NLGN1: variants seen among roughly 807,000 people sequenced by gnomAD.
NLGN1 encodes neuroligin 1.
A neutral mutation model predicts 65.5 loss-of-function variants in NLGN1; 12 were observed. That is an observed-to-expected ratio of 0.18 (90% CI 0.12 to 0.30). The LOEUF (loss-of-function observed/expected upper bound fraction) is 0.30, where lower values mean the gene tolerates loss of function less well. NLGN1 is among the 10% of genes least tolerant of loss of function. The pLI is 1.00. For missense variants in NLGN1, 750 were observed against 1,007.1 expected (o/e 0.74, Z 3.46); for synonymous variants, 350 against 359.5 (o/e 0.97, Z 0.30).
At chr3:174,068,011 G>A (rs1440955397) in intron 4 of NLGN1, among the ~76,000 whole-genome samples, 1 of 152,134 alleles carries the variant, frequency 6.6e-6, no homozygotes, top group East Asian at 1.9e-4. Context: ...AGGCTGGAGT[G>A]TTTGTTTCCC....
chr3:173,749,060 G>A (rs181822386), intron 3 of NLGN1, among the ~76,000 whole-genome samples: 2 of 152,146 alleles, frequency 1.3e-5, no homozygotes, highest in South Asian at 2.1e-4. Context: ...TTTTCTGTAT[G>A]CTTGATGCCA....
intron 4 of NLGN1, among the ~76,000 whole-genome samples, chr3:173,898,743 A>G (rs1242731838): frequency 1.3e-5 from 2 of 152,144 alleles, no homozygotes; most frequent in African/African-American, 4.8e-5. Flanking sequence ...ATTGTATGCT[A>G]CTTTGACAAG....
At chr3:174,088,756 A>AC in intron 4 of NLGN1, among the ~76,000 whole-genome samples, 1 of 136,028 alleles carries the variant, frequency 7.4e-6, no homozygotes, top group Non-Finnish European at 1.6e-5. Context: ...CCATCTCAAT[A>AC]AAAATAAATA....
At chr3:173,742,763 T>C (rs568527949) in intron 3 of NLGN1, among the ~76,000 whole-genome samples, 9 of 152,252 alleles carry the variant, frequency 5.9e-5, no homozygotes, top group African/African-American at 2.2e-4. Flanking sequence ...GGAGCAAAAG[T>C]TGTAATTTGT....
At chr3:173,852,896 T>C (rs9882978) in intron 4 of NLGN1, among the ~76,000 whole-genome samples, 2,671 of 152,320 alleles carry the variant, frequency 0.018, 56 homozygotes, top group Middle Eastern at 0.065. Flanking sequence ...GTCATGCTTT[T>C]AGCTCATCAG....
chr3:174,275,082 T>G (rs1750289435), intron 4 of NLGN1, among the ~76,000 whole-genome samples: 1 of 151,888 alleles, frequency 6.6e-6, no homozygotes. Flanking sequence ...CTGTTATCTG[T>G]TACCTGGATA....
At chr3:173,585,105 A>G (rs1398817931) in intron 2 of NLGN1, 1 of 152,272 alleles carries the variant, frequency 6.6e-6, no homozygotes, top group Non-Finnish European at 1.5e-5. Flanking sequence ...GGTGATGCGG[A>G]CGCGGTGCCT....
intron 4 of NLGN1, among the ~76,000 whole-genome samples, chr3:173,810,570 C>A (rs187954171): frequency 6.6e-6 from 1 of 152,182 alleles, no homozygotes; most frequent in African/African-American, 2.4e-5. Context: ...ACAGGTAGTG[C>A]AATCTGTGTT....
chr3:173,595,118 C>A (rs1481368866), intron 2 of NLGN1, among the ~76,000 whole-genome samples: 1 of 152,226 alleles, frequency 6.6e-6, no homozygotes, highest in African/African-American at 2.4e-5. Flanking sequence ...ATGCAAATTT[C>A]TGCAGCTGGC....
chr3:173,605,432 C>T (rs1012451151), intron 3 of NLGN1, 102 bp from the exon 3 acceptor site: 4 of 524,720 alleles, frequency 7.6e-6, no homozygotes, highest in South Asian at 1.8e-5. Context: ...CTTTCGCACT[C>T]AGTAAATGCA....
intron 4 of NLGN1, among the ~76,000 whole-genome samples, chr3:174,107,015 C>CAGAGAGAGAGAGAG (rs1349226673): frequency 1.5e-5 from 1 of 65,482 alleles, no homozygotes; most frequent in Admixed American, 1.6e-4. Flanking sequence ...CACACACACA[C>CAGAGAGAGAGAGAG]ACAGAGAGAG....
intron 3 of NLGN1, among the ~76,000 whole-genome samples, chr3:173,692,735 A>C (rs780774079): frequency 2.0e-5 from 3 of 152,140 alleles, no homozygotes; most frequent in Non-Finnish European, 4.4e-5. Context: ...ATAATACGTT[A>C]TACTTAAAAG....
chr3:173,534,488 A>T (rs2149196066), intron 2 of NLGN1, among the ~76,000 whole-genome samples: 1 of 152,176 alleles, frequency 6.6e-6, no homozygotes, highest in South Asian at 2.1e-4. Flanking sequence ...CCCCCATGGC[A>T]CTTTGCTTAT....
chr3:174,007,073 TA>T (rs567464126), intron 4 of NLGN1, among the ~76,000 whole-genome samples: 1 of 151,380 alleles, frequency 6.6e-6, no homozygotes, highest in Admixed American at 6.6e-5. Context: ...ATCTCAAAAA[TA>T]AAAAAATAAA....
intron 4 of NLGN1, among the ~76,000 whole-genome samples, chr3:174,145,222 A>G (rs1205177811): frequency 6.6e-6 from 1 of 152,174 alleles, no homozygotes; most frequent in African/African-American, 2.4e-5. Flanking sequence ...GATGTTTAAG[A>G]TAAGACAGAC....
At chr3:174,210,710 C>T (rs550332726) in intron 4 of NLGN1, among the ~76,000 whole-genome samples, 3 of 152,272 alleles carry the variant, frequency 2.0e-5, no homozygotes, top group Middle Eastern at 3.4e-3. Flanking sequence ...CTGTTCCTAG[C>T]TTTATATCAA....
At chr3:174,050,668 G>A (rs558759536) in intron 4 of NLGN1, among the ~76,000 whole-genome samples, 1 of 151,922 alleles carries the variant, frequency 6.6e-6, no homozygotes, top group Non-Finnish European at 1.5e-5. Flanking sequence ...TGGTCTTTTA[G>A]GTCCCTTCCC....
chr3:173,858,063 A>G (rs1044005343), intron 4 of NLGN1, among the ~76,000 whole-genome samples: 1 of 151,344 alleles, frequency 6.6e-6, no homozygotes, highest in Non-Finnish European at 1.5e-5. Flanking sequence ...AAATTTCAGT[A>G]TTGTCCTATA....
intron 3 of NLGN1, among the ~76,000 whole-genome samples, chr3:173,681,346 C>A (rs1217476491): frequency 6.6e-6 from 1 of 152,172 alleles, no homozygotes; most frequent in African/African-American, 2.4e-5. Flanking sequence ...TGACTGTTAG[C>A]TGTTCTCACT....
Sources: allele counts gnomAD v4.1 joint callset (sites outside exome capture counted in the v4.1 genomes callset), GRCh38; gene constraint gnomAD v4.1.1; transcripts MANE v1.5; gene names NCBI Gene and HGNC (gene_info 2026-07-23, HGNC 2026-07-21).